MDM4: variants seen among roughly 807,000 people sequenced by gnomAD.
MDM4 encodes MDM4 regulator of p53.
Under a neutral mutation model 60.2 loss-of-function variants are expected in MDM4, and 2 were observed. The ratio of observed to expected loss-of-function variants is 0.03; its 90% CI spans 0.01 to 0.10. The LOEUF (loss-of-function observed/expected upper bound fraction) is 0.10, where lower values mean the gene tolerates loss of function less well. Ranked by LOEUF, MDM4 falls within the 10% of genes least tolerant of loss-of-function variation. The pLI is 1.00. For missense variants in MDM4, 447 were observed against 577.5 expected, an observed-to-expected ratio of 0.77 and a Z score of 2.32; for synonymous variants, 202 against 198.1, an observed-to-expected ratio of 1.02 and a Z score of -0.17.
At chr1:204,534,153 A>G (rs1661151265) in intron 5 of MDM4, among the ~76,000 whole-genome samples, 1 of 152,154 alleles carries the variant, frequency 6.6e-6, no homozygotes, top group Non-Finnish European at 1.5e-5. Context: ...TCATACCGAA[A>G]CATGATTTTG....
At chr1:204,539,326 A>G (rs1558327107) in intron 7 of MDM4, among the ~76,000 whole-genome samples, 1 of 152,084 alleles carries the variant, frequency 6.6e-6, no homozygotes, top group South Asian at 2.1e-4. Flanking sequence ...ATGACATAAT[A>G]TACTTAATCA....
intron 5 of MDM4, chr1:204,537,158 C>T: frequency 2.4e-6 from 1 of 418,124 alleles, no homozygotes; most frequent in Admixed American, 4.2e-5. Context: ...AATTTAAAAG[C>T]TTGATATGGA....
Position 204,537,327 on chromosome 1 carries a change from A to G in MDM4, c.344-103A>G, listed in dbSNP as rs1232228844. On this transcript the variant is annotated intron_variant, in intron 5 of 10. Coordinates refer to ENST00000367182, the MANE Select transcript of MDM4 (RefSeq NM_002393.5). ...AGCCAACATGGAGAAGTACATTTCT[A>G]GGGACTAAACCTGGCTCCCGGGTTG... The G allele has an allele frequency of 5.1e-6, 4 of 779,318 alleles. No homozygotes were observed. The African/African-American group carries it at 5.2e-5, about 10-fold the overall frequency. 48.3% of individuals were successfully genotyped at this position (779,318 alleles called of 1,614,324 possible). A position where few individuals can be genotyped will look rare whatever the true frequency, so the allele number is the denominator to read the frequency against.
intron 10 of MDM4, 45 bp from the exon 11 acceptor site, chr1:204,549,068 C>T: frequency 1.7e-6 from 2 of 1,182,408 alleles, no homozygotes; most frequent in Non-Finnish European, 2.4e-6. Context: ...TTCTCAGCAT[C>T]ATATTAACCC....
At position 204,554,219 on chromosome 1, in the gene MDM4, G is replaced by A; in HGVS notation, c.*4537G>A. ...TAATGTTACCTCTTGACTCGCTTTT[G>A]AAAGGAAGACAATTGTTAACTAGAT... On this transcript the variant is annotated 3_prime_UTR_variant, in exon 11 of 11. Transcript: ENST00000367182. The A allele has an allele frequency of 4.4e-6, 1 of 226,320 alleles. No individual in the cohort carries two copies. Among genetic ancestry groups the A allele is most frequent in the Non-Finnish European group, 8.8e-6 (1 of 113,856 alleles). 14.0% of individuals were successfully genotyped at this position (226,320 alleles called of 1,614,324 possible). A position where few individuals can be genotyped will look rare whatever the true frequency, so the allele number is the denominator to read the frequency against.
At chr1:204,527,268 G>A (rs1180434643) in intron 3 of MDM4, among the ~76,000 whole-genome samples, 1 of 152,082 alleles carries the variant, frequency 6.6e-6, no homozygotes, top group East Asian at 1.9e-4. Flanking sequence ...ACTCCAGCTT[G>A]GTTGATAGAA....
At chr1:204,539,104 G>A (rs1661745647) in intron 7 of MDM4, among the ~76,000 whole-genome samples, 1 of 151,892 alleles carries the variant, frequency 6.6e-6, no homozygotes, top group African/African-American at 2.4e-5. Context: ...CCCGACCTCA[G>A]GTGATCTGCC....
At chr1:204,523,070 C>G (rs879346352) in intron 1 of MDM4, among the ~76,000 whole-genome samples, 24 of 146,318 alleles carry the variant, frequency 1.6e-4, no homozygotes, top group Non-Finnish European at 3.0e-4. Context: ...ACCATGTTGG[C>G]CAGGCTGGTG....
intron 7 of MDM4, among the ~76,000 whole-genome samples, chr1:204,539,527 TTG>T (rs1287107923): frequency 1.4e-5 from 2 of 146,798 alleles, no homozygotes; most frequent in South Asian, 2.2e-4. Flanking sequence ...TTTTTTTTTT[TTG>T]TTTTGTTTTG....
At chr1:204,533,539 G>T (rs1431092446) in intron 5 of MDM4, among the ~76,000 whole-genome samples, 1 of 152,102 alleles carries the variant, frequency 6.6e-6, no homozygotes, top group Non-Finnish European at 1.5e-5. Context: ...TGTATTTTTA[G>T]TAGAGACAGG....
intron 5 of MDM4, among the ~76,000 whole-genome samples, chr1:204,536,136 T>C (rs1480989730): frequency 6.6e-6 from 1 of 152,062 alleles, no homozygotes; most frequent in Admixed American, 6.6e-5. Context: ...CCTATAATCC[T>C]AGCTACTTGG....
chr1:204,520,484 G>A (rs570925484), intron 1 of MDM4, among the ~76,000 whole-genome samples: 2 of 151,648 alleles, frequency 1.3e-5, no homozygotes, highest in East Asian at 3.9e-4. Context: ...AAAACAATAG[G>A]GTTCAGGATG....
intron 1 of MDM4, among the ~76,000 whole-genome samples, chr1:204,522,402 A>ATTT (rs373501508): frequency 7.9e-5 from 11 of 138,406 alleles, no homozygotes; most frequent in African/African-American, 3.2e-4. Context: ...CAGGTTTTAA[A>ATTT]TTTTTTTTTT....
At chr1:204,532,868 G>T in intron 5 of MDM4, 1 of 1,583,992 alleles carries the variant, frequency 6.3e-7, no homozygotes. Flanking sequence ...CTCTATTTTT[G>T]GTAAACTGGT....
In MDM4 at chr1:204,557,667, ACTGGG is replaced by A. The variant is rs1663619214; in HGVS notation, c.*7986_*7990del. On this transcript the variant is annotated 3_prime_UTR_variant, in exon 11 of 11. Transcript: ENST00000367182. ...TCTGCCCGCCTTGGCCTCCCAAAGT[ACTGGG>A]ATTACAGGCGTGAGCAACTGCTCCT... is the stretch of plus-strand genomic sequence containing the variant. 3.4e-5 allele frequency: 6 copies of A among 178,436 alleles called. No homozygotes were observed. Among genetic ancestry groups the A allele is most frequent in the Non-Finnish European group, 6.0e-5 (5 of 83,190 alleles). The allele number at this position is 178,436 out of a possible 1,614,324, so 11.1% of individuals were successfully genotyped here. A position where few individuals can be genotyped will look rare whatever the true frequency, so the allele number is the denominator to read the frequency against.
At chr1:204,529,390 G>A in intron 3 of MDM4, 1 of 1,095,390 alleles carries the variant, frequency 9.1e-7, no homozygotes, top group Non-Finnish European at 1.4e-6. Context: ...GGCCTGGGCT[G>A]CTGGGCACCG....
At chr1:204,521,339 G>C (rs1162307384) in intron 1 of MDM4, among the ~76,000 whole-genome samples, 1 of 152,176 alleles carries the variant, frequency 6.6e-6, no homozygotes, top group Non-Finnish European at 1.5e-5. Context: ...TTTGTGGTTT[G>C]TCATGCAGCT....
Position 204,553,848 on chromosome 1 carries a change from C to T in MDM4, c.*4166C>T. ...TAGACCAGATCTTTAATATGGTATG[C>T]CATTTCCCCAGTCTACCAATGGAAT... is the stretch of plus-strand genomic sequence containing the variant. On this transcript the variant is annotated 3_prime_UTR_variant, in exon 11 of 11. Transcript: ENST00000367182. 4.5e-6 allele frequency: 1 copy of T among 220,116 alleles called. No individual in the cohort carries two copies. The highest frequency in any genetic ancestry group is 9.1e-6 in the Non-Finnish European group (1 of 109,822). The allele number at this position is 220,116 out of a possible 1,614,324, so 13.6% of individuals were successfully genotyped here. A position where few individuals can be genotyped will look rare whatever the true frequency, so the allele number is the denominator to read the frequency against.
At chr1:204,516,945 A>G (rs1033045452) in intron 1 of MDM4, among the ~76,000 whole-genome samples, 2 of 152,106 alleles carry the variant, frequency 1.3e-5, no homozygotes, top group Non-Finnish European at 2.9e-5. Flanking sequence ...GCTTGTTTGA[A>G]AATGCTTGTT....
Sources: allele counts gnomAD v4.1 joint callset (sites outside exome capture counted in the v4.1 genomes callset), GRCh38; gene constraint gnomAD v4.1.1; transcripts MANE v1.5; gene names NCBI Gene and HGNC (gene_info 2026-07-23, HGNC 2026-07-21).